The following SLC25A21 variants were observed in gnomAD, a reference collection of about 807,000 sequenced individuals.
SLC25A21 encodes mitochondrial 2-oxodicarboxylate carrier.
A neutral mutation model predicts 43.8 loss-of-function variants in SLC25A21; 47 were observed. The ratio of observed to expected loss-of-function variants is 1.07; its 90% confidence interval spans 0.85 to 1.37. SLC25A21 has a LOEUF of 1.37. SLC25A21 is among the 40% of genes most tolerant of loss of function. The probability of loss-of-function intolerance (pLI) is 0.00; values close to 1 mark genes in which losing one functional copy is unlikely to be tolerated. For synonymous variants in SLC25A21, 131 were observed against 121.3 expected (o/e 1.08, Z -0.52); for missense variants, 352 against 350.2 (o/e 1.00, Z -0.04).
chr14:36,918,398 G>C (rs144437272), intron 1 of SLC25A21, among the ~76,000 whole-genome samples: 5 of 152,118 alleles, frequency 3.3e-5, no homozygotes, highest in Non-Finnish European at 7.4e-5. Context: ...TGATAAGCAC[G>C]TATTTCTCAA....
chr14:36,729,505 A>G lies in SLC25A21; in HGVS notation c.330+2T>C. Reference sequence around the variant, plus strand: ...TTAAGTATAATAAATACTCTCACTTACCAATGCTGGTGACAGTGACACATA... The same window carrying G: ...TTAAGTATAATAAATACTCTCACTTGCCAATGCTGGTGACAGTGACACATA... On this transcript the variant is annotated splice_donor_variant, in intron 5 of 9. Coordinates refer to ENST00000331299, the MANE Select transcript of SLC25A21 (RefSeq NM_030631.4). LOFTEE classifies it high-confidence loss of function. The G allele has an allele frequency of 6.2e-7, 1 of 1,601,290 alleles. No individual in the cohort carries two copies. The highest frequency in any genetic ancestry group is 8.5e-7 in the Non-Finnish European group (1 of 1,173,852).
At chr14:36,906,172 T>C (rs970794822) in intron 1 of SLC25A21, among the ~76,000 whole-genome samples, 2 of 152,214 alleles carry the variant, frequency 1.3e-5, no homozygotes, top group Admixed American at 1.3e-4. Context: ...CTATTTGAAT[T>C]TTTCAAGCAT....
intron 2 of SLC25A21, among the ~76,000 whole-genome samples, chr14:36,840,181 C>G (rs1326058881): frequency 6.6e-6 from 1 of 151,904 alleles, no homozygotes; most frequent in Admixed American, 6.6e-5. Flanking sequence ...CAGAGTAAAA[C>G]TGAACTATGG....
chr14:36,812,221 A>G (rs1888295210), intron 3 of SLC25A21, among the ~76,000 whole-genome samples: 1 of 152,166 alleles, frequency 6.6e-6, no homozygotes, highest in Non-Finnish European at 1.5e-5. Flanking sequence ...CATCTGTCAG[A>G]TGGTAAACAG....
chr14:37,150,765 C>T (rs1963745510), intron 1 of SLC25A21, among the ~76,000 whole-genome samples: 1 of 152,128 alleles, frequency 6.6e-6, no homozygotes, highest in South Asian at 2.1e-4. Context: ...ATCAAATGTG[C>T]TGTCCTAGGC....
chr14:36,973,381 G>A (rs718997), intron 1 of SLC25A21, among the ~76,000 whole-genome samples: 13,440 of 152,228 alleles, frequency 0.088, 744 homozygotes, highest in East Asian at 0.25. Flanking sequence ...AAACATAGCG[G>A]AGGCTGCCTC....
intron 7 of SLC25A21, among the ~76,000 whole-genome samples, chr14:36,693,597 T>TAA (rs1214244400): frequency 6.6e-6 from 1 of 152,206 alleles, no homozygotes; most frequent in Non-Finnish European, 1.5e-5. Flanking sequence ...TAACTGATCA[T>TAA]AAAGATTTAT....
chr14:37,168,819 C>T (rs1250538907), intron 1 of SLC25A21, among the ~76,000 whole-genome samples: 1 of 152,114 alleles, frequency 6.6e-6, no homozygotes, highest in Admixed American at 6.5e-5. Context: ...CACAGTGTGG[C>T]ACTCTGACAA....
intron 2 of SLC25A21, among the ~76,000 whole-genome samples, chr14:36,824,934 C>T (rs1440181888): frequency 2.0e-5 from 3 of 151,816 alleles, no homozygotes; most frequent in Non-Finnish European, 4.4e-5. Context: ...GAGAGATCTT[C>T]CCTTAGGGGA....
chr14:36,834,151 A>G lies in SLC25A21; in HGVS notation c.120-20150T>C, dbSNP rs1256315099. Reference sequence around the variant, plus strand: ...GCAACCTAAGAATATAGTAAAAATAAGTCATCATGATGCACATAAATAAAA... The same window carrying G: ...GCAACCTAAGAATATAGTAAAAATAGGTCATCATGATGCACATAAATAAAA... On this transcript the variant is annotated intron_variant, in intron 2 of 9. Transcript: ENST00000331299. Among the ~76,000 whole-genome samples the G allele has an allele frequency of 3.3e-5, 5 of 152,228 alleles. No homozygotes were observed. In the East Asian group the frequency reaches 9.6e-4, roughly 29 times the overall value.
chr14:36,884,362 T>C (rs1890853693), intron 1 of SLC25A21, among the ~76,000 whole-genome samples: 1 of 152,190 alleles, frequency 6.6e-6, no homozygotes, highest in South Asian at 2.1e-4. Flanking sequence ...TACATTTTCT[T>C]ATCACTCATT....
intron 1 of SLC25A21, among the ~76,000 whole-genome samples, chr14:37,100,501 A>G (rs74868489): frequency 0.034 from 5,153 of 152,324 alleles, 296 homozygotes; most frequent in African/African-American, 0.12. Context: ...GTAGATGTTT[A>G]ATTGAGGTAT....
At chr14:36,923,075 C>G (rs927177350) in intron 1 of SLC25A21, among the ~76,000 whole-genome samples, 17 of 150,872 alleles carry the variant, frequency 1.1e-4, no homozygotes, top group Non-Finnish European at 2.1e-4. Flanking sequence ...TAAACATAGT[C>G]AAAGATTTAA....
chr14:37,000,153 C>T (rs1333342501), intron 1 of SLC25A21, among the ~76,000 whole-genome samples: 1 of 152,070 alleles, frequency 6.6e-6, no homozygotes, highest in African/African-American at 2.4e-5. Flanking sequence ...TTCAAGTTTG[C>T]CTCCTCTTTC....
intron 3 of SLC25A21, among the ~76,000 whole-genome samples, chr14:36,737,289 A>C (rs114798733): frequency 0.012 from 1,895 of 152,338 alleles, 41 homozygotes; most frequent in African/African-American, 0.043. Context: ...TATTAAAAAG[A>C]GGTGTGATGC....
intron 1 of SLC25A21, among the ~76,000 whole-genome samples, chr14:36,913,587 A>G (rs712394): frequency 0.52 from 78,465 of 152,100 alleles, 22,143 homozygotes; most frequent in Non-Finnish European, 0.63. Flanking sequence ...GTTTGGAAGG[A>G]TAAGAACGAG....
intron 1 of SLC25A21, among the ~76,000 whole-genome samples, chr14:37,119,085 T>C (rs796146434): frequency 5.9e-5 from 9 of 152,244 alleles, no homozygotes; most frequent in African/African-American, 2.2e-4. Flanking sequence ...TTATAATGCA[T>C]TGGCTTGCTA....
intron 1 of SLC25A21, 45 bp downstream of exon 1, chr14:37,172,236 G>T: frequency 6.5e-7 from 1 of 1,539,686 alleles, no homozygotes; most frequent in Non-Finnish European, 8.8e-7. Flanking sequence ...ACACGCGGTG[G>T]GGAAAGCGAC....
chr14:36,687,632 T>C (rs1014568800), intron 7 of SLC25A21, among the ~76,000 whole-genome samples: 5 of 152,182 alleles, frequency 3.3e-5, no homozygotes, highest in Non-Finnish European at 7.4e-5. Flanking sequence ...ACAGCCTGCT[T>C]GAATCCAGCA....
Sources: allele counts gnomAD v4.1 joint callset (sites outside exome capture counted in the v4.1 genomes callset), GRCh38; gene constraint gnomAD v4.1.1; transcripts MANE v1.5; gene names NCBI Gene and HGNC (gene_info 2026-07-23, HGNC 2026-07-21).